SPIDR: variants seen among roughly 807,000 people sequenced by gnomAD.
SPIDR encodes the protein DNA repair-scaffolding protein.
SPIDR carries 93 observed loss-of-function variants against 104.6 expected under a neutral mutation model. The ratio of observed to expected loss-of-function variants is 0.89; its 90% CI spans 0.75 to 1.06. The LOEUF (loss-of-function observed/expected upper bound fraction) is 1.06, where lower values mean the gene tolerates loss of function less well. SPIDR is among the 50% of genes least tolerant of loss of function. The pLI is 0.00. For synonymous variants in SPIDR, 431 were observed against 416.9 expected (o/e 1.03, Z -0.41); for missense variants, 1,154 against 1,111.2 (o/e 1.04, Z -0.55).
Position 47,382,805 on chromosome 8 carries a change from A to C in SPIDR, c.526-13571A>C, listed in dbSNP as rs183621816. Among the ~76,000 whole-genome samples, 5 of 152,272 alleles carry C rather than the reference A, an allele frequency of 3.3e-5. No individual in the cohort carries two copies. The East Asian group carries it at 9.6e-4, about 29-fold the overall frequency. ...CATTTTAAAATTGTTTTTTCTGGTC[A>C]GCTCCTATAAGTATATGCCCGCATT... On this transcript the variant is annotated intron_variant, in intron 5 of 19. Transcript: ENST00000297423.
intron 5 of SPIDR, among the ~76,000 whole-genome samples, chr8:47,342,584 G>C (rs577593379): frequency 1.6e-4 from 24 of 152,172 alleles, no homozygotes; most frequent in Admixed American, 1.4e-3. Flanking sequence ...TGATCCACCT[G>C]CCTCGTCCTC....
At chr8:47,421,055 T>A (rs1554680011) in intron 7 of SPIDR, among the ~76,000 whole-genome samples, 3 of 152,238 alleles carry the variant, frequency 2.0e-5, no homozygotes, top group African/African-American at 7.2e-5. Flanking sequence ...TTTTCCTCCA[T>A]TTCAACTTTG....
At chr8:47,433,148 A>T (rs576530487) in intron 7 of SPIDR, among the ~76,000 whole-genome samples, 26 of 151,782 alleles carry the variant, frequency 1.7e-4, no homozygotes, top group African/African-American at 6.0e-4. Flanking sequence ...TCTCATATTC[A>T]CTCCTAGTCC....
chr8:47,305,053 A>G, intron 5 of SPIDR, among the ~76,000 whole-genome samples: 1 of 152,244 alleles, frequency 6.6e-6, no homozygotes, highest in South Asian at 2.1e-4. Flanking sequence ...AGCCTCCATA[A>G]CTATGAGAAA....
intron 14 of SPIDR, among the ~76,000 whole-genome samples, chr8:47,704,158 C>T (rs1248961979): frequency 6.6e-6 from 1 of 152,172 alleles, no homozygotes; most frequent in Admixed American, 6.5e-5. Flanking sequence ...CTAGTGCTTG[C>T]CAGCACATAG....
At chr8:47,478,454 G>A (rs992667635) in intron 8 of SPIDR, among the ~76,000 whole-genome samples, 2 of 152,150 alleles carry the variant, frequency 1.3e-5, no homozygotes, top group Non-Finnish European at 2.9e-5. Flanking sequence ...GACAGACCTC[G>A]GTTATGTTTC....
intron 5 of SPIDR, among the ~76,000 whole-genome samples, chr8:47,337,046 C>T (rs183219825): frequency 6.2e-4 from 95 of 152,226 alleles, no homozygotes; most frequent in Middle Eastern, 6.8e-3. Flanking sequence ...TGCTTATTGG[C>T]CATTTGTATA....
At chr8:47,450,571 T>A (rs573674798) in intron 8 of SPIDR, among the ~76,000 whole-genome samples, 1 of 152,364 alleles carries the variant, frequency 6.6e-6, no homozygotes, top group African/African-American at 2.4e-5. Context: ...TACCAGTTGT[T>A]GTATTGTAGG....
intron 5 of SPIDR, among the ~76,000 whole-genome samples, chr8:47,329,105 C>T (rs1554602706): frequency 6.6e-6 from 1 of 150,744 alleles, no homozygotes; most frequent in Non-Finnish European, 1.5e-5. Flanking sequence ...GAGTCTCACT[C>T]TGTCGCCCAG....
intron 5 of SPIDR, among the ~76,000 whole-genome samples, chr8:47,347,431 T>A (rs187108916): frequency 6.6e-6 from 1 of 152,146 alleles, no homozygotes; most frequent in East Asian, 1.9e-4. Context: ...CTGTTGATTT[T>A]GGGTGGAGAG....
rs1400867830 is a variant in SPIDR, at chr8:47,363,218, T to TG, written c.526-33158_526-33157insG. Among the ~76,000 whole-genome samples the TG allele has an allele frequency of 4.0e-4, 56 of 141,094 alleles. No individual in the cohort carries two copies. The South Asian group carries it at 0.012, about 29-fold the overall frequency. The allele number at this position is 141,094 out of a possible 152,430, so 92.6% of individuals were successfully genotyped here. ...ATCTCTCTTTTTTTTTTTTTTTTTT[T>TG]TTTTTGAGACAGAGTCTTGCTCTGT... On this transcript the variant is annotated intron_variant, in intron 5 of 19. Transcript: ENST00000297423.
At chr8:47,456,892 A>G (rs546969758) in intron 8 of SPIDR, among the ~76,000 whole-genome samples, 3 of 152,304 alleles carry the variant, frequency 2.0e-5, no homozygotes, top group Non-Finnish European at 4.4e-5. Context: ...ACTTAGAATA[A>G]AAATCTCCAA....
chr8:47,358,407 TAAAG>T (rs1360806759), intron 5 of SPIDR, among the ~76,000 whole-genome samples: 1 of 152,218 alleles, frequency 6.6e-6, no homozygotes, highest in Non-Finnish European at 1.5e-5. Context: ...TTTTAATTTT[TAAAG>T]AAATAAATAT....
At chr8:47,732,121 C>G (rs1481586497) in intron 19 of SPIDR, 1 of 702,568 alleles carries the variant, frequency 1.4e-6, no homozygotes, top group Admixed American at 2.0e-5. Context: ...ATCCCCACCC[C>G]TCTTTAGAGA....
In SPIDR at chr8:47,500,580, T is replaced by C. The variant is rs189981664; in HGVS notation, c.1097+60038T>C. On this transcript the variant is annotated intron_variant, in intron 8 of 19. Coordinates refer to ENST00000297423, the MANE Select transcript of SPIDR (RefSeq NM_001080394.4). Reference sequence around the variant, plus strand: ...ATGGGTAGATTGCAAAAATGTTCTCTCATTCTTAGGTTGCCTGTTCACTCT... The same window carrying C: ...ATGGGTAGATTGCAAAAATGTTCTCCCATTCTTAGGTTGCCTGTTCACTCT... Among the ~76,000 whole-genome samples the C allele has an allele frequency of 3.1e-3, 465 of 152,250 alleles. 1 individual carries two copies. The highest frequency in any genetic ancestry group is 0.011 in the African/African-American group (454 of 41,554).
intron 11 of SPIDR, among the ~76,000 whole-genome samples, chr8:47,690,972 G>A (rs2078555682): frequency 6.6e-6 from 1 of 151,946 alleles, no homozygotes; most frequent in Admixed American, 6.6e-5. Context: ...CCTTCTTTCA[G>A]TTTCTCCAAC....
At chr8:47,439,096 A>G (rs901188472) in intron 7 of SPIDR, among the ~76,000 whole-genome samples, 5 of 152,192 alleles carry the variant, frequency 3.3e-5, no homozygotes, top group Admixed American at 6.5e-5. Flanking sequence ...AGAGAATAAT[A>G]GAAACACATA....
At chr8:47,730,907 G>A (rs1233109669) in intron 19 of SPIDR, among the ~76,000 whole-genome samples, 3 of 152,166 alleles carry the variant, frequency 2.0e-5, no homozygotes, top group Non-Finnish European at 4.4e-5. Context: ...GTCTATGAGC[G>A]GGATCTTTGA....
chr8:47,550,677 A>T (rs911286010), intron 8 of SPIDR, among the ~76,000 whole-genome samples: 1 of 152,182 alleles, frequency 6.6e-6, no homozygotes, highest in African/African-American at 2.4e-5. Context: ...GGCTGAGACA[A>T]TGGGGTTTTC....
Sources: gnomAD v4.1 joint callset for allele counts (sites outside exome capture counted in the v4.1 genomes callset) on GRCh38, gnomAD v4.1.1 for gene constraint, MANE v1.5 for transcripts, NCBI Gene and HGNC (gene_info 2026-07-23, HGNC 2026-07-21) for gene names.